Variants in GATAD2A observed in about 807,000 individuals in gnomAD.
GATAD2A encodes transcriptional repressor p66-alpha.
A neutral mutation model predicts 68.5 loss-of-function variants in GATAD2A; 12 were observed. That is an observed-to-expected ratio of 0.18 (90% CI 0.11 to 0.28). The LOEUF (loss-of-function observed/expected upper bound fraction) is 0.28. Ranked by LOEUF, GATAD2A falls within the 10% of genes least tolerant of loss-of-function variation. GATAD2A has a pLI of 1.00. For missense variants in GATAD2A, 755 were observed against 868.5 expected, an observed-to-expected ratio of 0.87 and a Z score of 1.64; for synonymous variants, 410 against 375.3, an observed-to-expected ratio of 1.09 and a Z score of -1.07.
chr19:19,414,082 G>C (rs1010286610), intron 1 of GATAD2A, among the ~76,000 whole-genome samples: 1 of 152,172 alleles, frequency 6.6e-6, no homozygotes, highest in Non-Finnish European at 1.5e-5. Context: ...GGGAGCCTCA[G>C]ATGTTGGTGG....
intron 2 of GATAD2A, chr19:19,472,535 T>C (rs576918827): frequency 3.3e-5 from 5 of 150,802 alleles, no homozygotes; most frequent in Non-Finnish European, 7.4e-5. Context: ...GGTTTCACCA[T>C]GTAGGCCAGG....
upstream of GATAD2A, among the ~76,000 whole-genome samples, chr19:19,400,833 T>C (rs984469811): frequency 4.6e-5 from 7 of 152,064 alleles, no homozygotes; most frequent in Non-Finnish European, 1.0e-4. Context: ...TTTTAAACTT[T>C]AGAGTACTAA....
chr19:19,455,572 A>G (rs2056849658), intron 1 of GATAD2A, among the ~76,000 whole-genome samples: 1 of 152,202 alleles, frequency 6.6e-6, no homozygotes. Context: ...AAACTATAGT[A>G]TAACAGCTGT....
In GATAD2A at chr19:19,479,649, G is replaced by A. The variant is rs2058916638; in HGVS notation, c.270-12657G>A. ...ATGGATTTGGGGGAGGAAGACCACAGAGGGTGAAGTGCTCTTCTCGTCACA... is the reference window on the plus strand; with the variant it reads ...ATGGATTTGGGGGAGGAAGACCACAAAGGGTGAAGTGCTCTTCTCGTCACA... On this transcript the variant is annotated intron_variant, in intron 2 of 11. Transcript: ENST00000683918. Among the ~76,000 whole-genome samples the A allele has an allele frequency of 2.0e-5, 3 of 152,158 alleles. No individual in the cohort carries two copies. In the South Asian group the frequency reaches 6.2e-4, roughly 31 times the overall value.
At chr19:19,424,788 C>T (rs1223140779) in intron 1 of GATAD2A, among the ~76,000 whole-genome samples, 1 of 152,034 alleles carries the variant, frequency 6.6e-6, no homozygotes, top group Non-Finnish European at 1.5e-5. Flanking sequence ...GGAGGTTGCC[C>T]ATATGACAGG....
chr19:19,393,368 A>G (rs2048989848), intron 1 of GATAD2A, among the ~76,000 whole-genome samples: 2 of 152,162 alleles, frequency 1.3e-5, no homozygotes, highest in African/African-American at 2.4e-5. Flanking sequence ...TGGCCATAAG[A>G]TATGGTGTAT....
intron 1 of GATAD2A, among the ~76,000 whole-genome samples, chr19:19,387,455 G>C (rs959424461): frequency 3.9e-5 from 6 of 152,056 alleles, no homozygotes; most frequent in African/African-American, 1.4e-4. Context: ...GAGTAGCTGG[G>C]ACTACAGGCA....
Position 19,492,676 on chromosome 19 carries a change from G to T in GATAD2A, c.498G>T (p.Arg166=), listed in dbSNP as rs1297074455. The T allele has an allele frequency of 2.5e-6, 4 of 1,614,158 alleles. No individual in the cohort carries two copies. Among genetic ancestry groups the T allele is most frequent in the Non-Finnish European group, 3.4e-6 (4 of 1,180,020 alleles). ...EAKLVLLKKL[R]QSQIQKEATA... ...AACTCGTGTTGTTGAAAAAGTTGCG[G>T]CAGAGTCAAATACAAAAGGAAGCCA... is the stretch of plus-strand genomic sequence containing the variant. Residue 166 remains arginine (R), a synonymous_variant, in exon 4 of 12, where the codon CGG becomes CGT. Coordinates refer to ENST00000683918, the MANE Select transcript of GATAD2A (RefSeq NM_001384528.1).
At chr19:19,416,936 A>G (rs2051715767) in intron 1 of GATAD2A, among the ~76,000 whole-genome samples, 1 of 151,746 alleles carries the variant, frequency 6.6e-6, no homozygotes, top group Non-Finnish European at 1.5e-5. Flanking sequence ...TAATTTTTGT[A>G]TTTTTAGTAG....
In GATAD2A at chr19:19,495,905, T is replaced by A. The variant is rs1164253999; in HGVS notation, c.756+20T>A. On this transcript the variant is annotated intron_variant, in intron 6 of 11. Transcript: ENST00000683918. ...GCTCAGGTAAGCAGGGCTGTGCACA[T>A]GGGGGAGACCTGGCAGCCTCAGCAG... is the stretch of plus-strand genomic sequence containing the variant. 1 of 1,605,280 alleles carries A rather than the reference T, an allele frequency of 6.2e-7. No homozygotes were observed. The highest frequency in any genetic ancestry group is 1.7e-5 in the Admixed American group (1 of 59,744).
chr19:19,394,923 G>A (rs780140577), intron 1 of GATAD2A, among the ~76,000 whole-genome samples: 6 of 152,228 alleles, frequency 3.9e-5, no homozygotes, highest in Non-Finnish European at 8.8e-5. Context: ...AAGAGGGAGG[G>A]TGTTAGAAGG....
chr19:19,405,922 GTCCCCGGCCCCTCCGC>G lies in GATAD2A; in HGVS notation c.-103_-88del, dbSNP rs922459785. ...GCGGAACGAGCGCGCGCGGCCCGGC[GTCCCCGGCCCCTCCGC>G]CGCCCGGCCCCGCGGGCGACCCCGG... is the stretch of plus-strand genomic sequence containing the variant. On this transcript the variant is annotated 5_prime_UTR_variant, in exon 1 of 12. An upstream open reading frame in the 5' UTR gains an earlier in-frame stop. Transcript: ENST00000683918. The G allele has an allele frequency of 6.9e-6, 1 of 145,840 alleles. No individual in the cohort carries two copies. Among genetic ancestry groups the G allele is most frequent in the African/African-American group, 2.5e-5 (1 of 40,604 alleles). The allele number at this position is 145,840 out of a possible 1,614,324, so 9.0% of individuals were successfully genotyped here. A position where few individuals can be genotyped will look rare whatever the true frequency, so the allele number is the denominator to read the frequency against.
chr19:19,501,125 G>A lies in GATAD2A; in HGVS notation c.1212G>A (p.Arg404=). Residue 404 remains arginine, a synonymous_variant, in exon 9 of 12, where the codon AGG becomes AGA. Transcript: ENST00000683918. ...TGTGCTGTCTGCTTGCAGCAGGCAGGATGTCGGCCGCCACTGTGCTGTCCC... is the reference window on the plus strand; with the variant it reads ...TGTGCTGTCTGCTTGCAGCAGGCAGAATGTCGGCCGCCACTGTGCTGTCCC... The part of the protein sequence containing the change: ...VQNLLETQAG[R]MSAATVLSRE... 6.2e-7 allele frequency: 1 copy of A among 1,607,778 alleles called. No homozygotes were observed. Among genetic ancestry groups the A allele is most frequent in the Non-Finnish European group, 8.5e-7 (1 of 1,175,556 alleles).
chr19:19,502,655 ACT>A (rs777502794), intron 11 of GATAD2A, 129 bp downstream of exon 11: 40 of 704,508 alleles, frequency 5.7e-5, no homozygotes, highest in Non-Finnish European at 8.9e-5. Flanking sequence ...GCCTCCTCGG[ACT>A]CTGGCTTTCC....
chr19:19,450,755 A>C lies in GATAD2A; in HGVS notation c.-6-14585A>C, dbSNP rs570901748. Among the ~76,000 whole-genome samples, 15 of 151,198 alleles carry C rather than the reference A, an allele frequency of 9.9e-5. 1 individual carries two copies. The highest frequency in any genetic ancestry group is 9.8e-4 in the East Asian group (5 of 5,124). ...AACCTCATTACATTAAAAAAAAAAAAAAAAAAACTCTTTTTTTTTGTTTGT... is the reference window on the plus strand; with the variant it reads ...AACCTCATTACATTAAAAAAAAAAACAAAAAAACTCTTTTTTTTTGTTTGT... On this transcript the variant is annotated intron_variant, in intron 1 of 11. Transcript: ENST00000683918.
Position 19,474,274 on chromosome 19 carries a change from C to T in GATAD2A, c.269+8660C>T, listed in dbSNP as rs945006840. The T allele has an allele frequency of 6.3e-6, 3 of 474,398 alleles. No homozygotes were observed. In the Admixed American group the frequency reaches 1.9e-4, roughly 30 times the overall value. 29.4% of individuals were successfully genotyped at this position (474,398 alleles called of 1,614,324 possible). A position where few individuals can be genotyped will look rare whatever the true frequency, so the allele number is the denominator to read the frequency against. ...CCGACAACCACGTGAGCATGGGGCT[C>T]TCCTGGTGTGCCCGAGACAGTGAGT... is the stretch of plus-strand genomic sequence containing the variant. On this transcript the variant is annotated intron_variant, in intron 2 of 11. Coordinates refer to ENST00000683918, the MANE Select transcript of GATAD2A (RefSeq NM_001384528.1).
intron 1 of GATAD2A, among the ~76,000 whole-genome samples, chr19:19,464,521 T>G: frequency 6.6e-6 from 1 of 152,198 alleles, no homozygotes; most frequent in East Asian, 1.9e-4. Context: ...TTAACAACAC[T>G]TCAGCCTGTT....
At chr19:19,412,402 G>C (rs1600050067) in intron 1 of GATAD2A, among the ~76,000 whole-genome samples, 1 of 151,814 alleles carries the variant, frequency 6.6e-6, no homozygotes, top group South Asian at 2.1e-4. Flanking sequence ...TGATCCACCT[G>C]CCTCGGCCTC....
intron 1 of GATAD2A, among the ~76,000 whole-genome samples, chr19:19,387,316 G>A (rs1208057282): frequency 1.4e-5 from 2 of 144,706 alleles, no homozygotes; most frequent in Non-Finnish European, 3.0e-5. Context: ...TTTCTGACTT[G>A]TCCCCCTTTC....
Sources: allele counts gnomAD v4.1 joint callset (sites outside exome capture counted in the v4.1 genomes callset), GRCh38; gene constraint gnomAD v4.1.1; transcripts MANE v1.5; gene names NCBI Gene and HGNC (gene_info 2026-07-23, HGNC 2026-07-21).